The following CCDC146 variants were observed in gnomAD, a reference collection of about 807,000 sequenced individuals.
CCDC146 encodes the protein coiled-coil domain containing 146.
In CCDC146, 92 loss-of-function variants were observed where a neutral mutation model predicts 119.3. The observed-to-expected ratio is 0.77, with a 90% CI of 0.65 to 0.92. The LOEUF is 0.92. Among genes scored for constraint, CCDC146 ranks in the 40% least tolerant of loss-of-function variants. The probability of loss-of-function intolerance (pLI) is 0.00; values close to 1 mark genes in which losing one functional copy is unlikely to be tolerated. For missense variants in CCDC146, 1,000 were observed against 1,103.0 expected, an observed-to-expected ratio of 0.91 and a Z score of 1.32; for synonymous variants, 372 against 371.8, an observed-to-expected ratio of 1.00 and a Z score of -0.01.
Position 77,280,543 on chromosome 7 carries a change from A to C in CCDC146, c.1809A>C (p.Glu603Asp), listed in dbSNP as rs746527978. ...SKLQEMKEKK[E>D]AQLNNIDRLA... ...TTCAGGAAATGAAAGAAAAGAAGGA[A>C]GCCCAGTTAAATAACATTGACAGAC... is the stretch of plus-strand genomic sequence containing the variant. Residue 603 changes from glutamate (E) to aspartate (D), a missense_variant, in exon 14 of 19, where the codon GAA becomes GAC. By Grantham distance (45) the Glu-to-Asp change is conservative. Transcript: ENST00000285871. The C allele has an allele frequency of 1.9e-6, 3 of 1,614,078 alleles. No homozygotes were observed. The African/African-American group carries it at 4.0e-5, about 22-fold the overall frequency.
At chr7:77,237,866 T>G (rs1792767311) in intron 3 of CCDC146, among the ~76,000 whole-genome samples, 1 of 152,142 alleles carries the variant, frequency 6.6e-6, no homozygotes, top group South Asian at 2.1e-4. Context: ...CCCAAGCCTC[T>G]TTCTTTCCTT....
chr7:77,150,882 G>A (rs2089457567), intron 1 of CCDC146, among the ~76,000 whole-genome samples: 1 of 152,186 alleles, frequency 6.6e-6, no homozygotes, highest in Admixed American at 6.5e-5. Context: ...AATAAAAGGA[G>A]TGAAATACTG....
Position 77,260,180 on chromosome 7 carries a change from A to G in CCDC146, c.930A>G (p.Gln310=), listed in dbSNP as rs757895119. The G allele has an allele frequency of 1.3e-5, 21 of 1,613,982 alleles. No individual in the cohort carries two copies. Among genetic ancestry groups the G allele is most frequent in the Non-Finnish European group, 1.0e-5 (12 of 1,180,038 alleles). Residue 310 remains glutamine, a synonymous_variant, in exon 8 of 19, where the codon CAA becomes CAG. Coordinates refer to ENST00000285871, the MANE Select transcript of CCDC146 (RefSeq NM_020879.3). ...AAATCAAAGAACGAGAACATAACCA[A>G]TTGGTCAAGCTATTGGAATTAGCCA... ...LLEIKEREHN[Q]LVKLLELARE... is the part of the protein sequence containing the mutation.
chr7:77,184,533 A>T (rs1350388322), intron 2 of CCDC146, among the ~76,000 whole-genome samples: 4 of 152,224 alleles, frequency 2.6e-5, no homozygotes, highest in Non-Finnish European at 5.9e-5. Context: ...TAAATGACAC[A>T]TTCTGAAAGA....
chr7:77,128,733 A>G (rs1199238957), intron 1 of CCDC146, among the ~76,000 whole-genome samples: 1 of 152,114 alleles, frequency 6.6e-6, no homozygotes. Flanking sequence ...TTTCCTAAGA[A>G]TAAAAGAGAA....
At chr7:77,286,108 C>T (rs1350635435) in intron 15 of CCDC146, among the ~76,000 whole-genome samples, 1 of 152,172 alleles carries the variant, frequency 6.6e-6, no homozygotes, top group African/African-American at 2.4e-5. Context: ...TATTTTAGCT[C>T]ATGGTTCTGC....
At chr7:77,209,905 G>A (rs151184302) in intron 2 of CCDC146, among the ~76,000 whole-genome samples, 2,059 of 152,312 alleles carry the variant, frequency 0.014, 29 homozygotes, top group Non-Finnish European at 0.023. Flanking sequence ...ATGTCTCAAG[G>A]CTGCACAGAG....
rs879454224 is a variant in CCDC146 at position 77,163,447 on chromosome 7, C to CA, written c.-11-4200dup. 1.1e-3 allele frequency among the ~76,000 whole-genome samples: 150 copies of CA among 138,240 alleles called. 1 individual carries two copies. Among genetic ancestry groups the CA allele is most frequent in the East Asian group, 7.4e-3 (36 of 4,864 alleles). The allele number at this position is 138,240 out of a possible 152,430, so 90.7% of individuals were successfully genotyped here. On this transcript the variant is annotated intron_variant, in intron 1 of 18. Transcript: ENST00000285871. ...TGGGAGACAGAGCAAGACTCTGTCT[C>CA]AAAAAAAAAAATACACATATATACG...
chr7:77,259,150 C>T (rs1261250558), intron 7 of CCDC146, 82 bp downstream of exon 7: 1 of 791,918 alleles, frequency 1.3e-6, no homozygotes, highest in African/African-American at 1.7e-5. Flanking sequence ...AACCATTGGA[C>T]ACATTAAATT....
chr7:77,265,944 A>C (rs1289480104), intron 9 of CCDC146, among the ~76,000 whole-genome samples: 1 of 152,354 alleles, frequency 6.6e-6, no homozygotes, highest in Non-Finnish European at 1.5e-5. Context: ...TTTAATGACC[A>C]TGTGTGTTGG....
rs190542032 is a variant in CCDC146 at position 77,227,156 on chromosome 7, T to G, written c.157-9791T>G. Among the ~76,000 whole-genome samples, 50 of 152,332 alleles carry G rather than the reference T, an allele frequency of 3.3e-4. No individual in the cohort carries two copies. The East Asian group carries it at 9.4e-3, about 29-fold the overall frequency. ...GGTGTTTTACCCTGTCAGCTTTCTT[T>G]GCAGGTTTGTAAGGCACCAAAGGCC... On this transcript the variant is annotated intron_variant, in intron 2 of 18. Transcript: ENST00000285871.
intron 10 of CCDC146, among the ~76,000 whole-genome samples, 154 bp from the exon 11 acceptor site, chr7:77,274,328 C>T (rs180979748): frequency 5.9e-5 from 9 of 152,210 alleles, no homozygotes; most frequent in Non-Finnish European, 1.3e-4. Context: ...CCTCAGCCTC[C>T]CAAAGGCTTG....
intron 1 of CCDC146, among the ~76,000 whole-genome samples, chr7:77,145,571 C>G (rs1232615744): frequency 6.6e-6 from 1 of 151,660 alleles, no homozygotes; most frequent in African/African-American, 2.4e-5. Flanking sequence ...ATAAATTTCC[C>G]TCTACACACT....
intron 2 of CCDC146, among the ~76,000 whole-genome samples, chr7:77,231,731 T>C (rs1792632062): frequency 6.6e-6 from 1 of 152,110 alleles, no homozygotes; most frequent in African/African-American, 2.4e-5. Context: ...CTTTCATTCT[T>C]CAAACATATT....
chr7:77,147,616 T>C (rs1791041212), intron 1 of CCDC146, among the ~76,000 whole-genome samples: 1 of 152,222 alleles, frequency 6.6e-6, no homozygotes, highest in African/African-American at 2.4e-5. Context: ...GTTTGTTAGT[T>C]TTCCTTCTAA....
chr7:77,151,436 G>A (rs190474048), intron 1 of CCDC146, among the ~76,000 whole-genome samples: 2,746 of 152,086 alleles, frequency 0.018, 32 homozygotes, highest in Non-Finnish European at 0.027. Flanking sequence ...GGGGCACAAA[G>A]AAATTTTTAA....
chr7:77,280,686 G>A lies in CCDC146; in HGVS notation c.1919+33G>A, dbSNP rs951579163. Reference sequence around the variant, plus strand: ...CCAGGTGTGAGAACAGAGCACCAGGGATCCAACTGAGGAATGTCACCTCTT... The same window carrying A: ...CCAGGTGTGAGAACAGAGCACCAGGAATCCAACTGAGGAATGTCACCTCTT... On this transcript the variant is annotated intron_variant, in intron 14 of 18. Transcript: ENST00000285871. The A allele has an allele frequency of 1.3e-5, 19 of 1,439,614 alleles. No homozygotes were observed. In the African/African-American group the frequency reaches 2.0e-4, roughly 15 times the overall value. The allele number at this position is 1,439,614 out of a possible 1,614,324, so 89.2% of individuals were successfully genotyped here.
At chr7:77,273,030 C>T (rs1793556248) in intron 9 of CCDC146, among the ~76,000 whole-genome samples, 2 of 152,182 alleles carry the variant, frequency 1.3e-5, no homozygotes, top group African/African-American at 2.4e-5. Flanking sequence ...TTTATAATAA[C>T]TATAATTTGA....
intron 17 of CCDC146, among the ~76,000 whole-genome samples, chr7:77,288,790 C>T (rs912115128): frequency 6.6e-6 from 1 of 152,124 alleles, no homozygotes; most frequent in South Asian, 2.1e-4. Context: ...ATGGTAATAC[C>T]CACACCAGAG....
Sources: gnomAD v4.1 joint callset for allele counts (sites outside exome capture counted in the v4.1 genomes callset) on GRCh38, gnomAD v4.1.1 for gene constraint, MANE v1.5 for transcripts, NCBI Gene and HGNC (gene_info 2026-07-23, HGNC 2026-07-21) for gene names.